Variants in ATXN2 observed in about 807,000 individuals in gnomAD.
The protein encoded by ATXN2 is ataxin-2.
In ATXN2, 37 loss-of-function variants were observed where a neutral mutation model predicts 138.6. That is an observed-to-expected ratio of 0.27 (90% confidence interval 0.21 to 0.35). The LOEUF (loss-of-function observed/expected upper bound fraction) is 0.35, where lower values mean the gene tolerates loss of function less well. Ranked by LOEUF, ATXN2 falls within the 10% of genes least tolerant of loss-of-function variation. The probability of loss-of-function intolerance (pLI) is 1.00; values close to 1 mark genes in which losing one functional copy is unlikely to be tolerated. For missense variants in ATXN2, 1,216 were observed against 1,480.3 expected, an observed-to-expected ratio of 0.82 and a Z score of 2.93; for synonymous variants, 549 against 543.7, an observed-to-expected ratio of 1.01 and a Z score of -0.13.
intron 5 of ATXN2, among the ~76,000 whole-genome samples, chr12:111,527,965 A>G (rs1008874550): frequency 2.0e-5 from 3 of 152,174 alleles, no homozygotes; most frequent in Non-Finnish European, 4.4e-5. Context: ...ATAATAACCT[A>G]CCTTAAGATC....
chr12:111,549,992 G>A (rs1201064510), intron 5 of ATXN2, among the ~76,000 whole-genome samples: 2 of 150,678 alleles, frequency 1.3e-5, no homozygotes, highest in African/African-American at 4.9e-5. Flanking sequence ...AACCCAGGAG[G>A]CAGAGGTTGC....
At position 111,554,160 on chromosome 12, in the gene ATXN2, C is replaced by T. The variant is rs1375158279; in HGVS notation, c.346G>A (p.Val116Ile). The change falls in exon 3 of 25, where the codon GTT (valine) becomes ATT (isoleucine). Residue 116 changes from valine to isoleucine, a missense_variant and splice_region_variant. By Grantham distance (29) the Val-to-Ile change is conservative (BLOSUM62 3). Around this residue, in one of 4 missense-constraint regions of ATXN2, gnomAD observed 401 missense variants for 528.1 expected, o/e 0.76. Transcript: ENST00000673436. ...MRMVHILTSVVGSKCEVQVKN... is the reference protein window; with the variant it reads ...MRMVHILTSVIGSKCEVQVKN... ...TCCCCAATAATCTAATAACTTACAA[C>T]AACTGATGTAAGTATATGAACCATC... 1 of 1,492,682 alleles carries T rather than the reference C, an allele frequency of 6.7e-7. No homozygotes were observed. Among genetic ancestry groups the T allele is most frequent in the Non-Finnish European group, 9.0e-7 (1 of 1,108,824 alleles). The allele number at this position is 1,492,682 out of a possible 1,614,324, so 92.5% of individuals were successfully genotyped here.
rs1274406138 is a variant in ATXN2 at position 111,561,217 on chromosome 12, G to A, written c.252-5298C>T. ...AAAAATAAATGAACAGTCTCTGGCC[G>A]GGCATGGTGGCTCATGCCTTAATCC... On this transcript the variant is annotated intron_variant, in intron 1 of 24. Coordinates refer to ENST00000673436, the MANE Select transcript of ATXN2 (RefSeq NM_001372574.1). Among the ~76,000 whole-genome samples the A allele has an allele frequency of 2.6e-5, 4 of 151,728 alleles. No homozygotes were observed. In the South Asian group the frequency reaches 6.2e-4, roughly 24 times the overall value.
intron 21 of ATXN2, among the ~76,000 whole-genome samples, chr12:111,460,892 C>T (rs1875527036): frequency 6.6e-6 from 1 of 152,076 alleles, no homozygotes. Context: ...AGCTAATTTG[C>T]ATGCATAGCA....
chr12:111,511,460 A>AT (rs149802960), intron 11 of ATXN2: 18,443 of 142,046 alleles, frequency 0.13, 3,907 homozygotes, highest in African/African-American at 0.44. Flanking sequence ...GCTGAAGCAG[A>AT]TTTTTTTTTT....
At chr12:111,493,252 T>C (rs145613347) in intron 14 of ATXN2, among the ~76,000 whole-genome samples, 1 of 151,948 alleles carries the variant, frequency 6.6e-6, no homozygotes, top group East Asian at 1.9e-4. Context: ...AAACCCCGTC[T>C]TTACTAAAAA....
chr12:111,528,102 T>C (rs143912109), intron 5 of ATXN2, among the ~76,000 whole-genome samples: 46 of 152,338 alleles, frequency 3.0e-4, no homozygotes, highest in Non-Finnish European at 5.9e-4. Context: ...CCTGTTAATG[T>C]CTTAATCATA....
intron 14 of ATXN2, among the ~76,000 whole-genome samples, chr12:111,496,520 A>AGC (rs1878431764): frequency 6.6e-6 from 1 of 152,194 alleles, no homozygotes; most frequent in African/African-American, 2.4e-5. Flanking sequence ...TGGGTGACAG[A>AGC]GCGAGACTCC....
chr12:111,469,656 G>C (rs1876265984), intron 20 of ATXN2: 1 of 166,292 alleles, frequency 6.0e-6, no homozygotes, highest in Non-Finnish European at 1.3e-5. Flanking sequence ...TAGAAACATA[G>C]TATTATCATT....
chr12:111,599,221 G>C lies in ATXN2; in HGVS notation c.-187C>G. On this transcript the variant is annotated 5_prime_UTR_variant, in exon 1 of 25. Transcript: ENST00000673436. ...GGACGACGAAGGGGCGGGGAGGCCC[G>C]CCGAGACCAAGGAGCCGCCGGGAGC... is the stretch of plus-strand genomic sequence containing the variant. 8.3e-7 allele frequency: 1 copy of C among 1,200,326 alleles called. No individual in the cohort carries two copies. Among genetic ancestry groups the C allele is most frequent in the Non-Finnish European group, 1.0e-6 (1 of 968,662 alleles). 74.4% of individuals were successfully genotyped at this position (1,200,326 alleles called of 1,614,324 possible). A position where few individuals can be genotyped will look rare whatever the true frequency, so the allele number is the denominator to read the frequency against.
intron 21 of ATXN2, among the ~76,000 whole-genome samples, chr12:111,462,726 C>G (rs1470392071): frequency 6.6e-6 from 1 of 152,002 alleles, no homozygotes; most frequent in African/African-American, 2.4e-5. Flanking sequence ...TAGCTACTTA[C>G]CAGGAAAACA....
In ATXN2 at chr12:111,509,532, G is replaced by A. The variant is rs1027440578; in HGVS notation, c.1935+17C>T. The A allele has an allele frequency of 7.5e-7, 1 of 1,325,072 alleles. No homozygotes were observed. Among genetic ancestry groups the A allele is most frequent in the Non-Finnish European group, 1.1e-6 (1 of 947,658 alleles). 82.1% of individuals were successfully genotyped at this position (1,325,072 alleles called of 1,614,324 possible). On this transcript the variant is annotated intron_variant, in intron 14 of 24. Coordinates refer to ENST00000673436, the MANE Select transcript of ATXN2 (RefSeq NM_001372574.1). ...TATTTTCTAAAACTCAAATTCATCA[G>A]TTAGTACAATACTTACCCTAAAATC...
chr12:111,458,733 G>C (rs1875324685), intron 21 of ATXN2, among the ~76,000 whole-genome samples: 2 of 152,212 alleles, frequency 1.3e-5, no homozygotes, highest in African/African-American at 4.8e-5. Context: ...ATTGGTGAGA[G>C]AAGCAAGCAC....
intron 18 of ATXN2, among the ~76,000 whole-genome samples, chr12:111,483,705 T>C (rs1353356549): frequency 6.6e-6 from 1 of 152,102 alleles, no homozygotes; most frequent in Admixed American, 6.6e-5. Context: ...ACGAAGGCTC[T>C]TTAACCACAC....
intron 1 of ATXN2, among the ~76,000 whole-genome samples, chr12:111,596,733 A>G (rs1884959716): frequency 6.6e-6 from 1 of 152,234 alleles, no homozygotes; most frequent in South Asian, 2.1e-4. Flanking sequence ...GTCTCAAGTA[A>G]AAGAACTTAA....
At chr12:111,554,116 C>G in intron 3 of ATXN2, 42 bp downstream of exon 3, 3 of 1,288,106 alleles carry the variant, frequency 2.3e-6, no homozygotes, top group East Asian at 5.2e-5. Flanking sequence ...TTACTTTATT[C>G]TACCCCCAAG....
chr12:111,595,565 C>T (rs1884892633), intron 1 of ATXN2, among the ~76,000 whole-genome samples: 1 of 151,310 alleles, frequency 6.6e-6, no homozygotes, highest in Non-Finnish European at 1.5e-5. Context: ...TCGCTTGAAC[C>T]CAGGAGTCAG....
chr12:111,536,600 C>T (rs559877661), intron 5 of ATXN2, among the ~76,000 whole-genome samples: 1 of 152,054 alleles, frequency 6.6e-6, no homozygotes, highest in African/African-American at 2.4e-5. Context: ...ACAGTGAGAC[C>T]CCAACTCTAT....
chr12:111,506,010 C>T (rs796659281), intron 14 of ATXN2, among the ~76,000 whole-genome samples: 9 of 152,230 alleles, frequency 5.9e-5, no homozygotes, highest in African/African-American at 2.2e-4. Context: ...TAGTCAGTCA[C>T]AAAAAGAAAT....
Sources: allele counts gnomAD v4.1 joint callset (sites outside exome capture counted in the v4.1 genomes callset), GRCh38; gene constraint gnomAD v4.1.1; regional missense constraint gnomAD v4.1.1; transcripts MANE v1.5; gene names NCBI Gene and HGNC (gene_info 2026-07-23, HGNC 2026-07-21).